The following KCNB2 variants were observed in gnomAD, a reference collection of about 807,000 sequenced individuals.
The protein encoded by KCNB2 is delayed rectifier potassium channel protein.
Under a neutral mutation model 61.5 loss-of-function variants are expected in KCNB2, and 15 were observed. That is an observed-to-expected ratio of 0.24 (90% CI 0.16 to 0.38). KCNB2 has a LOEUF of 0.38. KCNB2 is among the 10% of genes least tolerant of loss of function. KCNB2 has a pLI of 1.00. For synonymous variants in KCNB2, 457 were observed against 446.0 expected (o/e 1.02, Z -0.31); for missense variants, 828 against 1,125.2 (o/e 0.74, Z 3.78).
intron 2 of KCNB2, among the ~76,000 whole-genome samples, chr8:72,922,718 AAACTTTGGAGGGACAT>A (rs1806547769): frequency 6.6e-6 from 1 of 151,726 alleles, no homozygotes; most frequent in Admixed American, 6.6e-5. Context: ...GTCAACACAC[AAACTTTGGAGGGACAT>A]AAGCATTCAG....
At chr8:72,616,257 G>A (rs967619149) in intron 2 of KCNB2, among the ~76,000 whole-genome samples, 2 of 152,180 alleles carry the variant, frequency 1.3e-5, no homozygotes, top group African/African-American at 2.4e-5. Context: ...TATAAAATTA[G>A]ATCTGCAGTA....
At chr8:72,854,985 G>A (rs1395340584) in intron 2 of KCNB2, among the ~76,000 whole-genome samples, 3 of 152,154 alleles carry the variant, frequency 2.0e-5, no homozygotes, top group African/African-American at 7.2e-5. Context: ...AAGCGACTGT[G>A]CCCACGTTAG....
In KCNB2 at chr8:72,704,566, A is replaced by G. The variant is rs185416445; in HGVS notation, c.579+136253A>G. On this transcript the variant is annotated intron_variant, in intron 2 of 2. Coordinates refer to ENST00000523207, the MANE Select transcript of KCNB2 (RefSeq NM_004770.3). Reference sequence around the variant, plus strand: ...TGGTGAAACAGCCAAGTAATCCTAGACAAAGGGCACAGATAAGATGAGCAG... The same window carrying G: ...TGGTGAAACAGCCAAGTAATCCTAGGCAAAGGGCACAGATAAGATGAGCAG... Among the ~76,000 whole-genome samples, 639 of 151,922 alleles carry G rather than the reference A, an allele frequency of 4.2e-3. 4 individuals are homozygous for G. Among genetic ancestry groups the G allele is most frequent in the Non-Finnish European group, 4.0e-3 (272 of 67,938 alleles).
chr8:72,573,447 T>C (rs777971822), intron 2 of KCNB2, among the ~76,000 whole-genome samples: 11 of 152,338 alleles, frequency 7.2e-5, no homozygotes, highest in Middle Eastern at 3.4e-3. Flanking sequence ...AATATAACAA[T>C]AGGCATTAAA....
At chr8:72,753,334 G>A (rs1044881931) in intron 2 of KCNB2, among the ~76,000 whole-genome samples, 1 of 152,094 alleles carries the variant, frequency 6.6e-6, no homozygotes, top group East Asian at 1.9e-4. Flanking sequence ...GATCATTTTA[G>A]CAACATCAGT....
chr8:72,544,008 G>A (rs912149768), intron 1 of KCNB2, among the ~76,000 whole-genome samples: 1 of 152,188 alleles, frequency 6.6e-6, no homozygotes, highest in Non-Finnish European at 1.5e-5. Flanking sequence ...AAACATTAGG[G>A]ACATCCTATT....
intron 2 of KCNB2, among the ~76,000 whole-genome samples, chr8:72,716,617 T>A (rs932946648): frequency 9.9e-5 from 15 of 152,168 alleles, no homozygotes; most frequent in Non-Finnish European, 2.1e-4. Context: ...CAACAACACT[T>A]CATGCTAAAA....
chr8:72,761,065 T>C (rs991991696), intron 2 of KCNB2, among the ~76,000 whole-genome samples: 1 of 152,198 alleles, frequency 6.6e-6, no homozygotes, highest in Admixed American at 6.5e-5. Context: ...AAAACCATTA[T>C]GACTATCAAC....
chr8:72,916,916 C>A (rs1806412337), intron 2 of KCNB2, among the ~76,000 whole-genome samples: 1 of 152,180 alleles, frequency 6.6e-6, no homozygotes, highest in African/African-American at 2.4e-5. Flanking sequence ...TCTCTGTCAG[C>A]TGAGCCTGGC....
intron 2 of KCNB2, among the ~76,000 whole-genome samples, chr8:72,764,241 C>T (rs1808428860): frequency 6.6e-6 from 1 of 152,130 alleles, no homozygotes; most frequent in Admixed American, 6.5e-5. Flanking sequence ...GATAGGCAAC[C>T]AGCACCTGAC....
chr8:72,714,292 T>C (rs1807382539), intron 2 of KCNB2, among the ~76,000 whole-genome samples: 1 of 152,088 alleles, frequency 6.6e-6, no homozygotes, highest in African/African-American at 2.4e-5. Flanking sequence ...AACATTCAAA[T>C]TCAGGAAATA....
At position 72,928,191 on chromosome 8, in the gene KCNB2, CTT is replaced by C. The variant is rs879676235; in HGVS notation, c.580-7726_580-7725del. On this transcript the variant is annotated intron_variant, in intron 2 of 2. Coordinates refer to ENST00000523207, the MANE Select transcript of KCNB2 (RefSeq NM_004770.3). ...GTGAGGACTTCTTTCCACTTTCTTT[CTT>C]TTTTTTTTTTTTTTTTTGAGACAGA... is the stretch of plus-strand genomic sequence containing the variant. 4.7e-3 allele frequency among the ~76,000 whole-genome samples: 636 copies of C among 134,818 alleles called. 3 individuals are homozygous for C. The highest frequency in any genetic ancestry group is 6.5e-3 in the Non-Finnish European group (413 of 63,078). 88.4% of individuals were successfully genotyped at this position (134,818 alleles called of 152,430 possible).
At chr8:72,567,098 ATTG>A (rs1188031985) in intron 1 of KCNB2, among the ~76,000 whole-genome samples, 1 of 152,064 alleles carries the variant, frequency 6.6e-6, no homozygotes, top group Non-Finnish European at 1.5e-5. Flanking sequence ...AGGCAGGTGG[ATTG>A]CTTGCACCTG....
At chr8:72,565,141 GTA>G (rs71566822) in intron 1 of KCNB2, among the ~76,000 whole-genome samples, 10 of 149,446 alleles carry the variant, frequency 6.7e-5, no homozygotes, top group African/African-American at 9.8e-5. Context: ...AAATGTGTGT[GTA>G]TATATATATA....
At chr8:72,915,615 T>C (rs1806383643) in intron 2 of KCNB2, among the ~76,000 whole-genome samples, 1 of 152,138 alleles carries the variant, frequency 6.6e-6, no homozygotes, top group Non-Finnish European at 1.5e-5. Flanking sequence ...GGCAGTATTT[T>C]TAACAGAAAT....
chr8:72,889,477 C>T (rs1805860781), intron 2 of KCNB2, among the ~76,000 whole-genome samples: 1 of 152,064 alleles, frequency 6.6e-6, no homozygotes. Flanking sequence ...TGCTTGCATC[C>T]AGGAGTTCAA....
At chr8:72,600,505 A>C (rs903227568) in intron 2 of KCNB2, among the ~76,000 whole-genome samples, 1 of 152,074 alleles carries the variant, frequency 6.6e-6, no homozygotes, top group Non-Finnish European at 1.5e-5. Flanking sequence ...ATGACGAGTT[A>C]ATGGGTGCAG....
At chr8:72,759,344 A>T (rs1200415634) in intron 2 of KCNB2, among the ~76,000 whole-genome samples, 2 of 152,236 alleles carry the variant, frequency 1.3e-5, no homozygotes, top group Admixed American at 6.5e-5. Context: ...GACATAAAAT[A>T]TCTTAATGGG....
At position 72,694,765 on chromosome 8, in the gene KCNB2, G is replaced by T. The variant is rs1057436376; in HGVS notation, c.579+126452G>T. Among the ~76,000 whole-genome samples, 4 of 151,796 alleles carry T rather than the reference G, an allele frequency of 2.6e-5. No homozygotes were observed. The South Asian group carries it at 8.3e-4, about 31-fold the overall frequency. ...CAATTTAAAAAGTTTTAGAGCATCTGTATGGCCATCTTTTTCTCATTAAGA... is the reference window on the plus strand; with the variant it reads ...CAATTTAAAAAGTTTTAGAGCATCTTTATGGCCATCTTTTTCTCATTAAGA... On this transcript the variant is annotated intron_variant, in intron 2 of 2. Transcript: ENST00000523207.
Sources: gnomAD v4.1 joint callset for allele counts (sites outside exome capture counted in the v4.1 genomes callset) on GRCh38, gnomAD v4.1.1 for gene constraint, MANE v1.5 for transcripts, NCBI Gene and HGNC (gene_info 2026-07-23, HGNC 2026-07-21) for gene names.